The following TCF7 variants were observed in gnomAD, a reference collection of about 807,000 sequenced individuals.
TCF7 encodes the protein T-cell-factor-7.
Under a neutral mutation model 46.8 loss-of-function variants are expected in TCF7, and 19 were observed. The observed-to-expected ratio is 0.41, with a 90% CI of 0.28 to 0.60. The LOEUF is 0.60. Ranked by LOEUF, TCF7 falls within the 20% of genes least tolerant of loss-of-function variation. The pLI is 0.35. For missense variants in TCF7, 547 were observed against 504.6 expected (o/e 1.08, Z -0.81); for synonymous variants, 245 against 213.4 (o/e 1.15, Z -1.29).
chr5:134,137,550 A>G (rs990704398), intron 3 of TCF7, among the ~76,000 whole-genome samples: 1 of 151,862 alleles, frequency 6.6e-6, no homozygotes, highest in Non-Finnish European at 1.5e-5. Context: ...ATCTCCCCTG[A>G]TTTAGGGGAT....
intron 3 of TCF7, among the ~76,000 whole-genome samples, chr5:134,119,967 A>G (rs1258729731): frequency 2.0e-5 from 3 of 152,206 alleles, no homozygotes; most frequent in African/African-American, 7.2e-5. Context: ...CCAGACTGGA[A>G]CCAGGCTCTA....
intron 3 of TCF7, among the ~76,000 whole-genome samples, chr5:134,131,075 A>G (rs1758054619): frequency 6.6e-6 from 1 of 152,176 alleles, no homozygotes; most frequent in Non-Finnish European, 1.5e-5. Flanking sequence ...AAAGATGGAT[A>G]GGAGTTTGCC....
At chr5:134,138,575 T>C (rs955173992) in intron 4 of TCF7, 2 of 279,222 alleles carry the variant, frequency 7.2e-6, no homozygotes, top group African/African-American at 4.3e-5. Context: ...GACTCAACCC[T>C]GGGGGGCAGG....
chr5:134,139,656 A>C (rs1759437231), intron 5 of TCF7: 1 of 152,866 alleles, frequency 6.5e-6, no homozygotes, highest in South Asian at 2.1e-4. Context: ...CCTCAGCTGG[A>C]GTTGGGCCTT....
At chr5:134,114,378 G>A (rs1363071533), upstream of TCF7, among the ~76,000 whole-genome samples, 1 of 152,152 alleles carries the variant, frequency 6.6e-6, no homozygotes, top group African/African-American at 2.4e-5. Context: ...AGTCCCAAGG[G>A]CCTAGGGGAC....
At chr5:134,111,317 G>A (rs1344179027), upstream of TCF7, among the ~76,000 whole-genome samples, 1 of 152,206 alleles carries the variant, frequency 6.6e-6, no homozygotes, top group Non-Finnish European at 1.5e-5. Flanking sequence ...GCGTGAAGAT[G>A]AAGCCTTATT....
intron 2 of TCF7, 143 bp downstream of exon 2, chr5:134,115,530 G>A (rs551300011): frequency 2.4e-5 from 34 of 1,444,730 alleles, no homozygotes; most frequent in Non-Finnish European, 2.9e-5. Context: ...GGAGAGTGGG[G>A]GGCGGGCTTC....
chr5:134,135,453 T>C (rs762400057), intron 3 of TCF7, among the ~76,000 whole-genome samples: 16 of 152,018 alleles, frequency 1.1e-4, no homozygotes, highest in Non-Finnish European at 2.1e-4. Flanking sequence ...TTGGACTGGG[T>C]GCGGGCAAGG....
chr5:134,122,674 G>GC (rs1274019620), intron 3 of TCF7, among the ~76,000 whole-genome samples: 7 of 152,200 alleles, frequency 4.6e-5, no homozygotes, highest in African/African-American at 7.2e-5. Context: ...GCAAGCCGCA[G>GC]CCCCCCTGAG....
intron 3 of TCF7, among the ~76,000 whole-genome samples, chr5:134,128,629 T>C (rs1212375807): frequency 1.3e-5 from 2 of 150,880 alleles, no homozygotes; most frequent in Non-Finnish European, 2.9e-5. Context: ...CTAGATTAAA[T>C]TGGGGCAAGA....
intron 3 of TCF7, among the ~76,000 whole-genome samples, chr5:134,137,572 C>G (rs1338027298): frequency 6.6e-6 from 1 of 152,182 alleles, no homozygotes; most frequent in Non-Finnish European, 1.5e-5. Flanking sequence ...GAGGAGGGCC[C>G]TTCCCTGTGT....
At chr5:134,143,930 G>C (rs1216956369) in intron 9 of TCF7, 2 of 399,662 alleles carry the variant, frequency 5.0e-6, no homozygotes, top group Non-Finnish European at 9.2e-6. Context: ...CCACTCACCA[G>C]AGAAACCAGC....
chr5:134,111,034 A>G (rs1307654811), upstream of TCF7, among the ~76,000 whole-genome samples: 1 of 152,192 alleles, frequency 6.6e-6, no homozygotes, highest in Non-Finnish European at 1.5e-5. Context: ...TGCTGTTCTA[A>G]GCTCTTCACT....
intron 3 of TCF7, among the ~76,000 whole-genome samples, chr5:134,137,153 T>C (rs574032089): frequency 6.6e-6 from 1 of 152,240 alleles, no homozygotes; most frequent in South Asian, 2.1e-4. Context: ...CTGGGCGCAG[T>C]TGGCTCACGC....
chr5:134,112,695 TAAAG>T (rs1018239599), upstream of TCF7, among the ~76,000 whole-genome samples: 7 of 152,178 alleles, frequency 4.6e-5, no homozygotes, highest in African/African-American at 1.7e-4. Context: ...ACCATTTTAG[TAAAG>T]AAAGGATGTT....
chr5:134,146,555 T>C lies in TCF7; in HGVS notation c.*252T>C, dbSNP rs986885728. 2.8e-6 allele frequency: 2 copies of C among 712,034 alleles called. No individual in the cohort carries two copies. Among genetic ancestry groups the C allele is most frequent in the Non-Finnish European group, 2.6e-6 (1 of 384,162 alleles). 44.1% of individuals were successfully genotyped at this position (712,034 alleles called of 1,614,324 possible). A position where few individuals can be genotyped will look rare whatever the true frequency, so the allele number is the denominator to read the frequency against. The stretch of plus-strand genomic sequence containing the variant: ...GGACACCTGGCCGCCTCCAGGAGCC[T>C]ACCCCCTGAAAGTGACAGAGACCCA... On this transcript the variant is annotated 3_prime_UTR_variant, in exon 10 of 10. Transcript: ENST00000342854.
chr5:134,119,584 C>T (rs765456290), intron 3 of TCF7, among the ~76,000 whole-genome samples: 2 of 152,200 alleles, frequency 1.3e-5, no homozygotes, highest in Non-Finnish European at 2.9e-5. Context: ...CACAGTTGTC[C>T]AGGTGCCTGG....
At chr5:134,137,011 G>A (rs1758956227) in intron 3 of TCF7, among the ~76,000 whole-genome samples, 1 of 152,254 alleles carries the variant, frequency 6.6e-6, no homozygotes, top group South Asian at 2.1e-4. Context: ...GTGCACTGAG[G>A]ATACTGTAGA....
chr5:134,146,456 G>GCC lies in TCF7; in HGVS notation c.*158_*159dup, dbSNP rs761930991. ...CCTCCCAACCCCAGGGCCCCCACAG[G>GCC]CCCCCCGCAGCACCCTGCAGAGCAC... On this transcript the variant is annotated 3_prime_UTR_variant, in exon 10 of 10. Coordinates refer to ENST00000342854, the MANE Select transcript of TCF7 (RefSeq NM_003202.5). 1 of 852,944 alleles carries GCC rather than the reference G, an allele frequency of 1.2e-6. No individual in the cohort carries two copies. Among genetic ancestry groups the GCC allele is most frequent in the African/African-American group, 1.7e-5 (1 of 59,808 alleles). The allele number at this position is 852,944 out of a possible 1,614,324, so 52.8% of individuals were successfully genotyped here.
Sources: allele counts gnomAD v4.1 joint callset (sites outside exome capture counted in the v4.1 genomes callset), GRCh38; gene constraint gnomAD v4.1.1; transcripts MANE v1.5; gene names NCBI Gene and HGNC (gene_info 2026-07-23, HGNC 2026-07-21).